Variants in RBFOX3 observed in about 807,000 individuals in gnomAD.
The protein encoded by RBFOX3 is RNA binding fox-1 homolog 3, also known as RNA binding protein fox-1 homolog 3.
Under a neutral mutation model 48.7 loss-of-function variants are expected in RBFOX3, and 17 were observed. That is an observed-to-expected ratio of 0.35 (90% CI 0.24 to 0.52). RBFOX3 has a LOEUF of 0.52. Among genes scored for constraint, RBFOX3 ranks in the 20% least tolerant of loss-of-function variants. The pLI, the probability that RBFOX3 is intolerant of heterozygous loss-of-function variation, is 0.94. For synonymous variants in RBFOX3, 212 were observed against 209.5 expected (o/e 1.01, Z -0.10); for missense variants, 382 against 497.5 (o/e 0.77, Z 2.21).
At position 79,503,646 on chromosome 17, in the gene RBFOX3, C is replaced by T. The variant is rs1048091227; in HGVS notation, c.-319-21048G>A. Among the ~76,000 whole-genome samples the T allele has an allele frequency of 7.9e-5, 12 of 152,296 alleles. 1 individual carries two copies. The highest frequency in any genetic ancestry group is 2.0e-4 in the Admixed American group (3 of 15,308). On this transcript the variant is annotated intron_variant, in intron 1 of 14. Coordinates refer to ENST00000693108, the MANE Select transcript of RBFOX3 (RefSeq NM_001350451.2). ...TGTGGCTCGGGGCTGCCACACTGCACGGTGCAGGTGAGGGATCCCTCCGTG... is the reference window on the plus strand; with the variant it reads ...TGTGGCTCGGGGCTGCCACACTGCATGGTGCAGGTGAGGGATCCCTCCGTG...
At chr17:79,523,110 G>C (rs1256453528) in intron 1 of RBFOX3, among the ~76,000 whole-genome samples, 2 of 151,518 alleles carry the variant, frequency 1.3e-5, no homozygotes, top group African/African-American at 4.9e-5. Flanking sequence ...AGGAAGAATG[G>C]AGGTTGCCAG....
intron 3 of RBFOX3, among the ~76,000 whole-genome samples, chr17:79,253,261 C>T (rs1473040413): frequency 6.6e-6 from 1 of 152,164 alleles, no homozygotes; most frequent in Non-Finnish European, 1.5e-5. Flanking sequence ...CCCTTCACCA[C>T]ACACACATCC....
At chr17:79,165,486 C>T (rs901240894) in intron 4 of RBFOX3, among the ~76,000 whole-genome samples, 2 of 152,138 alleles carry the variant, frequency 1.3e-5, no homozygotes, top group African/African-American at 4.8e-5. Flanking sequence ...CTCTGGGGGA[C>T]AGGTGGCGGG....
At chr17:79,138,533 T>C (rs1045019758) in intron 4 of RBFOX3, among the ~76,000 whole-genome samples, 17 of 152,090 alleles carry the variant, frequency 1.1e-4, no homozygotes, top group African/African-American at 4.1e-4. Flanking sequence ...GCATATACAC[T>C]GTGCATGCTC....
chr17:79,097,667 A>AAAC, intron 10 of RBFOX3, 25 bp downstream of exon 10: 7 of 1,031,776 alleles, frequency 6.8e-6, no homozygotes, highest in Non-Finnish European at 6.6e-6. Context: ...GTCTCATCCC[A>AAAC]TCCCCGCCCC....
At chr17:79,339,978 A>G (rs2081802741) in intron 2 of RBFOX3, among the ~76,000 whole-genome samples, 1 of 152,192 alleles carries the variant, frequency 6.6e-6, no homozygotes, top group Non-Finnish European at 1.5e-5. Context: ...TCTGTCTTTC[A>G]GAGTCCTGTA....
intron 1 of RBFOX3, among the ~76,000 whole-genome samples, chr17:79,518,995 G>A (rs2085661359): frequency 6.6e-6 from 1 of 152,248 alleles, no homozygotes; most frequent in African/African-American, 2.4e-5. Flanking sequence ...AGCCATCGCG[G>A]GAGACGCGTC....
chr17:79,477,113 A>G lies in RBFOX3; in HGVS notation c.-175+5341T>C, dbSNP rs773928425. On this transcript the variant is annotated intron_variant, in intron 2 of 14. Transcript: ENST00000693108. This position sits in a 1 kb window ranked among gnomAD's most constrained non-coding sequence, Gnocchi z 4.8. ...CCAGGCGTGGTGGTGGGCGCCTGTAATCCCAGTTACTCGGGAAGCTGAGGC... is the reference window on the plus strand; with the variant it reads ...CCAGGCGTGGTGGTGGGCGCCTGTAGTCCCAGTTACTCGGGAAGCTGAGGC... Among the ~76,000 whole-genome samples, 164 of 150,622 alleles carry G rather than the reference A, an allele frequency of 1.1e-3. No homozygotes were observed. Among genetic ancestry groups the G allele is most frequent in the Non-Finnish European group, 1.8e-3 (119 of 67,560 alleles).
chr17:79,267,748 T>C (rs2066958145), intron 3 of RBFOX3, among the ~76,000 whole-genome samples: 1 of 152,156 alleles, frequency 6.6e-6, no homozygotes, highest in Non-Finnish European at 1.5e-5. Flanking sequence ...GTCTGGGACC[T>C]TGGCTGACAC....
intron 2 of RBFOX3, among the ~76,000 whole-genome samples, chr17:79,466,756 C>CAA (rs2076367193): frequency 6.6e-6 from 1 of 152,168 alleles, no homozygotes; most frequent in Non-Finnish European, 1.5e-5. Flanking sequence ...CTATGGGGCC[C>CAA]AGTGACTGGT....
At chr17:79,459,651 TG>T (rs1555747501) in intron 2 of RBFOX3, among the ~76,000 whole-genome samples, 1 of 151,742 alleles carries the variant, frequency 6.6e-6, no homozygotes, top group Non-Finnish European at 1.5e-5. Flanking sequence ...CCCTCAACAC[TG>T]GCCACCTTCT....
chr17:79,319,349 A>G (rs753322980), intron 2 of RBFOX3, among the ~76,000 whole-genome samples: 17 of 152,236 alleles, frequency 1.1e-4, no homozygotes, highest in Non-Finnish European at 1.5e-4. Flanking sequence ...GAGAAAGGAA[A>G]GAGGCAGAAC....
rs112427006 is a variant in RBFOX3 at position 79,195,198 on chromosome 17, C to G, written c.-34+40568G>C. 0.023 allele frequency among the ~76,000 whole-genome samples: 3,569 copies of G among 152,182 alleles called. 54 individuals carry two copies. Among genetic ancestry groups the G allele is most frequent in the African/African-American group, 0.027 (1,108 of 41,528 alleles). On this transcript the variant is annotated intron_variant, in intron 4 of 14. Transcript: ENST00000693108. This position sits in a 1 kb window ranked among gnomAD's most constrained non-coding sequence, Gnocchi z 5.3. ...ATCACCTGAGGTCAGGAGTTCGAGA[C>G]CAGCCTGGTCAACATGGTGAAACCC...
Position 79,511,367 on chromosome 17 carries a change from G to A in RBFOX3, c.-319-28769C>T, listed in dbSNP as rs994458017. On this transcript the variant is annotated intron_variant, in intron 1 of 14. Coordinates refer to ENST00000693108, the MANE Select transcript of RBFOX3 (RefSeq NM_001350451.2). ...CCCTTTTCAGTGCCTAATATGTGTC[G>A]GGGCTGGGGACACAAAGACAGTTTA... Among the ~76,000 whole-genome samples, 1,048 of 152,234 alleles carry A rather than the reference G, an allele frequency of 6.9e-3. 5 individuals are homozygous for A. The highest frequency in any genetic ancestry group is 0.011 in the Non-Finnish European group (742 of 68,014).
chr17:79,238,839 A>G (rs2061961673), intron 3 of RBFOX3, among the ~76,000 whole-genome samples: 1 of 152,178 alleles, frequency 6.6e-6, no homozygotes, highest in Non-Finnish European at 1.5e-5. Context: ...TTCAATCACC[A>G]AAGAGTCCCC....
intron 2 of RBFOX3, among the ~76,000 whole-genome samples, chr17:79,375,952 C>T (rs546235403): frequency 6.6e-6 from 1 of 152,332 alleles, no homozygotes; most frequent in African/African-American, 2.4e-5. Flanking sequence ...TTGTGCTTCC[C>T]TCACAGTGTG....
rs145562994 is a variant in RBFOX3, at chr17:79,355,674, A to G, written c.-174-47850T>C. On this transcript the variant is annotated intron_variant, in intron 2 of 14. Coordinates refer to ENST00000693108, the MANE Select transcript of RBFOX3 (RefSeq NM_001350451.2). ...CAGCTCACTGCAACCTCCACCTCCC[A>G]GGTTCAAGCAATTCTCCTGCCTCAG... 2.5e-3 allele frequency among the ~76,000 whole-genome samples: 377 copies of G among 151,960 alleles called. 1 individual carries two copies. Among genetic ancestry groups the G allele is most frequent in the African/African-American group, 8.6e-3 (358 of 41,440 alleles).
chr17:79,343,251 C>T (rs896734913), intron 2 of RBFOX3, among the ~76,000 whole-genome samples: 4 of 152,060 alleles, frequency 2.6e-5, no homozygotes, highest in East Asian at 1.9e-4. Context: ...AAGGGCCAGG[C>T]GAGGTAACTC....
intron 3 of RBFOX3, among the ~76,000 whole-genome samples, chr17:79,297,766 G>A (rs931608850): frequency 6.6e-6 from 1 of 152,220 alleles, no homozygotes; most frequent in African/African-American, 2.4e-5. Flanking sequence ...CCTTGGAATT[G>A]GGCCACAGGA....
Sources: gnomAD v4.1 joint callset for allele counts (sites outside exome capture counted in the v4.1 genomes callset) on GRCh38, gnomAD v4.1.1 for gene constraint, Gnocchi (gnomAD v3.1) non-coding constraint, MANE v1.5 for transcripts, NCBI Gene and HGNC (gene_info 2026-07-23, HGNC 2026-07-21) for gene names.